MAF: variants seen among roughly 807,000 people sequenced by gnomAD.
The protein encoded by MAF is MAF bZIP transcription factor.
MAF carries 10 observed loss-of-function variants against 22.0 expected under a neutral mutation model. The ratio of observed to expected loss-of-function variants is 0.45; its 90% CI spans 0.28 to 0.77. MAF has a LOEUF of 0.77. Ranked by LOEUF, MAF falls within the 30% of genes least tolerant of loss-of-function variation. The pLI, the probability that MAF is intolerant of heterozygous loss-of-function variation, is 0.12. For missense variants in MAF, 544 were observed against 548.4 expected, an observed-to-expected ratio of 0.99 and a Z score of 0.08; for synonymous variants, 337 against 255.8, an observed-to-expected ratio of 1.32 and a Z score of -3.03.
chr16:79,224,424 G>T, the MAF span, among the ~76,000 whole-genome samples: 4 of 152,268 alleles, frequency 2.6e-5, no homozygotes, highest in Admixed American at 2.6e-4. Context: ...GCAAAAACTG[G>T]AAGCATGCCT....
the MAF span, among the ~76,000 whole-genome samples, chr16:79,209,272 C>T: frequency 6.6e-6 from 1 of 152,196 alleles, no homozygotes; most frequent in East Asian, 1.9e-4. Context: ...GCAACAATGG[C>T]ATTCTGAATC....
chr16:79,232,946 T>C, the MAF span, among the ~76,000 whole-genome samples: 1 of 149,874 alleles, frequency 6.7e-6, no homozygotes. Flanking sequence ...GTTCACGCCA[T>C]TCTCCTGCCT....
the MAF span, among the ~76,000 whole-genome samples, chr16:79,459,280 T>C: frequency 6.6e-6 from 1 of 152,324 alleles, no homozygotes; most frequent in East Asian, 1.9e-4. Context: ...GATTCCATTT[T>C]GGCATATATT....
At chr16:79,334,036 A>C in the MAF span, among the ~76,000 whole-genome samples, 1 of 152,248 alleles carries the variant, frequency 6.6e-6, no homozygotes, top group Non-Finnish European at 1.5e-5. Flanking sequence ...CTTATTCCTA[A>C]TTCATATGAA....
At chr16:79,339,328 G>C in the MAF span, among the ~76,000 whole-genome samples, 1 of 152,280 alleles carries the variant, frequency 6.6e-6, no homozygotes, top group East Asian at 1.9e-4. Flanking sequence ...CAGAGTGCTG[G>C]GATTACAGGC....
chr16:79,378,924 A>T, the MAF span, among the ~76,000 whole-genome samples: 3 of 152,170 alleles, frequency 2.0e-5, no homozygotes, highest in Non-Finnish European at 4.4e-5. Flanking sequence ...ACTGGTATAC[A>T]TTTTTAGGTG....
the MAF span, among the ~76,000 whole-genome samples, chr16:79,367,796 G>A: frequency 6.6e-6 from 1 of 152,180 alleles, no homozygotes; most frequent in African/African-American, 2.4e-5. Context: ...GAACAGCCTA[G>A]TACATTGTAG....
At position 79,599,503 on chromosome 16, in the gene MAF, C is replaced by G; in HGVS notation, c.400G>C (p.Gly134Arg). 1 of 1,510,058 alleles carries G rather than the reference C, an allele frequency of 6.6e-7. No homozygotes were observed. Among genetic ancestry groups the G allele is most frequent in the Non-Finnish European group, 8.8e-7 (1 of 1,132,286 alleles). The allele number at this position is 1,510,058 out of a possible 1,614,324, so 93.5% of individuals were successfully genotyped here. The change falls in exon 1 of 2, where the codon GGG becomes CGG. Residue 134 changes from glycine to arginine, a missense_variant. Gly to Arg is a moderately radical substitution (Grantham distance 125). This residue lies in a region of MAF where 342 missense variants were observed against 315.5 expected (regional missense o/e 1.08). Transcript: ENST00000326043. ...GCCGCCGCGGCCAGCTGCTGCGCCCCGCGCGCGTAGCCATCGAAGCCGCCC... is the reference window on the plus strand; with the variant it reads ...GCCGCCGCGGCCAGCTGCTGCGCCCGGCGCGCGTAGCCATCGAAGCCGCCC... Reference protein sequence around the residue: ...LQGGFDGYARGAQQLAAAAGA... With the variant: ...LQGGFDGYARRAQQLAAAAGA...
chr16:79,463,993 A>G, the MAF span, among the ~76,000 whole-genome samples: 1 of 151,926 alleles, frequency 6.6e-6, no homozygotes, highest in South Asian at 2.1e-4. Flanking sequence ...TACGGACGAT[A>G]AAAAGGGCTT....
chr16:79,216,929 C>T, the MAF span, among the ~76,000 whole-genome samples: 1 of 151,992 alleles, frequency 6.6e-6, no homozygotes, highest in African/African-American at 2.4e-5. Flanking sequence ...CCTGCCTCAG[C>T]CTCCTGAATA....
the MAF span, among the ~76,000 whole-genome samples, chr16:79,285,638 G>A: frequency 6.6e-6 from 1 of 152,128 alleles, no homozygotes; most frequent in African/African-American, 2.4e-5. Flanking sequence ...GTGGCCTCCA[G>A]GGGTGGGGAA....
At chr16:79,598,455 T>A (rs200454385) in intron 1 of MAF, 9 of 1,087,488 alleles carry the variant, frequency 8.3e-6, no homozygotes, top group Admixed American at 4.7e-5. Flanking sequence ...CGGGGGGGTG[T>A]AAAAAAAAAA....
At chr16:79,439,477 G>A in the MAF span, among the ~76,000 whole-genome samples, 2 of 151,930 alleles carry the variant, frequency 1.3e-5, no homozygotes, top group Non-Finnish European at 2.9e-5. Context: ...AGCCAGGATG[G>A]TCTCAATCTC....
the MAF span, among the ~76,000 whole-genome samples, chr16:79,475,152 A>C: frequency 6.6e-6 from 1 of 152,188 alleles, no homozygotes; most frequent in African/African-American, 2.4e-5. Flanking sequence ...GTGGCATCTC[A>C]TAATAAACAC....
chr16:79,363,849 G>A, the MAF span, among the ~76,000 whole-genome samples: 1 of 152,138 alleles, frequency 6.6e-6, no homozygotes, highest in Non-Finnish European at 1.5e-5. Flanking sequence ...AATATCTGGA[G>A]GGTGAATGGG....
chr16:79,402,073 G>A, the MAF span, among the ~76,000 whole-genome samples: 1 of 152,178 alleles, frequency 6.6e-6, no homozygotes, highest in Non-Finnish European at 1.5e-5. Context: ...AAGAATGGGA[G>A]GTTCAATTCA....
chr16:79,536,768 A>G, the MAF span, among the ~76,000 whole-genome samples: 1 of 152,376 alleles, frequency 6.6e-6, no homozygotes, highest in South Asian at 2.1e-4. Context: ...ACCCGTTTAC[A>G]TAGCATTTAC....
chr16:79,407,893 C>T, the MAF span, among the ~76,000 whole-genome samples: 1 of 151,870 alleles, frequency 6.6e-6, no homozygotes, highest in Non-Finnish European at 1.5e-5. Context: ...TGCAGGCTTA[C>T]AATTTGCAGC....
At chr16:79,281,989 G>C in the MAF span, among the ~76,000 whole-genome samples, 3 of 152,094 alleles carry the variant, frequency 2.0e-5, no homozygotes, top group African/African-American at 7.2e-5. Context: ...AGGAGTCCTG[G>C]TGTCTGGGTC....
Sources: allele counts gnomAD v4.1 joint callset (sites outside exome capture counted in the v4.1 genomes callset), GRCh38; gene constraint gnomAD v4.1.1; regional missense constraint gnomAD v4.1.1; transcripts MANE v1.5; gene names NCBI Gene and HGNC (gene_info 2026-07-23, HGNC 2026-07-21).